Variants in ELL observed in about 807,000 individuals in gnomAD.
ELL encodes elongation factor for RNA polymerase II, also known as RNA polymerase II elongation factor ELL.
ELL carries 18 observed loss-of-function variants against 64.0 expected under a neutral mutation model. That is an observed-to-expected ratio of 0.28 (90% confidence interval 0.19 to 0.42). ELL has a LOEUF of 0.42. Among genes scored for constraint, ELL ranks in the 10% least tolerant of loss-of-function variants. The pLI is 1.00. For missense variants in ELL, 797 were observed against 870.4 expected, an observed-to-expected ratio of 0.92 and a Z score of 1.06; for synonymous variants, 399 against 376.2, an observed-to-expected ratio of 1.06 and a Z score of -0.70.
At chr19:18,446,179 G>A (rs74770468) in intron 10 of ELL, 130 bp downstream of exon 10, 1 of 1,172,356 alleles carries the variant, frequency 8.5e-7, no homozygotes, top group Non-Finnish European at 1.2e-6. Context: ...GAGTGCACCA[G>A]GGGGAGAAGC....
At position 18,444,668 on chromosome 19, in the gene ELL, T is replaced by C; in HGVS notation, c.*84A>G. ...GTGCTGGCTCAGATGAGCATCTTCC[T>C]CGGGTTTATTTTTTTAAATAAATCC... On this transcript the variant is annotated 3_prime_UTR_variant, in exon 12 of 12. Transcript: ENST00000262809. 1 of 1,404,328 alleles carries C rather than the reference T, an allele frequency of 7.1e-7. No homozygotes were observed. The highest frequency in any genetic ancestry group is 9.6e-7 in the Non-Finnish European group (1 of 1,036,806). 87.0% of individuals were successfully genotyped at this position (1,404,328 alleles called of 1,614,324 possible).
intron 1 of ELL, among the ~76,000 whole-genome samples, chr19:18,519,763 C>T (rs1200559207): frequency 3.4e-5 from 5 of 146,396 alleles, no homozygotes; most frequent in Non-Finnish European, 5.9e-5. Flanking sequence ...GCCGGGATCG[C>T]GCCACCTCAA....
rs187946882 is a variant in ELL, at chr19:18,489,087, A to G, written c.136-16205T>C. On this transcript the variant is annotated intron_variant, in intron 1 of 11. Transcript: ENST00000262809. ...CTGAAATCTCAGCTGCTCTTTTTAC[A>G]GAACGTTTTGTCACCTGCCTTCAAA... 2.4e-4 allele frequency among the ~76,000 whole-genome samples: 36 copies of G among 152,310 alleles called. 1 individual carries two copies. The highest frequency in any genetic ancestry group is 6.2e-4 in the South Asian group (3 of 4,828).
chr19:18,501,571 C>T lies in ELL; in HGVS notation c.135+20350G>A, dbSNP rs1296403778. 6.6e-6 allele frequency among the ~76,000 whole-genome samples: 1 copy of T among 152,160 alleles called. No individual in the cohort carries two copies. Among genetic ancestry groups the T allele is most frequent in the African/African-American group, 2.4e-5 (1 of 41,434 alleles). ...ACGGCACAGCCAGCTCAGAGCCAGG[C>T]GGATGAGACGGGGGCCAAGCCAGGG... On this transcript the variant is annotated intron_variant, in intron 1 of 11. Transcript: ENST00000262809. The surrounding 1 kb of genome is among the most constrained non-coding windows in gnomAD (Gnocchi z 4.5).
intron 1 of ELL, among the ~76,000 whole-genome samples, chr19:18,504,547 A>G (rs1410896793): frequency 2.0e-5 from 3 of 152,178 alleles, no homozygotes; most frequent in Non-Finnish European, 4.4e-5. Flanking sequence ...TCATCAGAGC[A>G]GTGATGCTCT....
At chr19:18,472,910 G>C in intron 1 of ELL, 28 bp from the exon 2 acceptor site, 1 of 1,146,924 alleles carries the variant, frequency 8.7e-7, no homozygotes, top group Non-Finnish European at 1.2e-6. Context: ...AAAAAAAAAA[G>C]GTGAGGGGAA....
At chr19:18,468,676 C>A (rs567613089) in intron 2 of ELL, among the ~76,000 whole-genome samples, 2 of 152,240 alleles carry the variant, frequency 1.3e-5, no homozygotes, top group East Asian at 1.9e-4. Context: ...CCCACTGCCC[C>A]CTGTGGTCCT....
At chr19:18,518,937 C>T (rs145278769) in intron 1 of ELL, among the ~76,000 whole-genome samples, 1 of 152,138 alleles carries the variant, frequency 6.6e-6, no homozygotes, top group Non-Finnish European at 1.5e-5. Flanking sequence ...GGAGAGAAAA[C>T]AGGAGGGCTT....
At chr19:18,463,540 G>A (rs994597686) in intron 4 of ELL, among the ~76,000 whole-genome samples, 1 of 151,778 alleles carries the variant, frequency 6.6e-6, no homozygotes, top group Non-Finnish European at 1.5e-5. Context: ...TCACCATATT[G>A]GCCAGGCTGG....
intron 1 of ELL, among the ~76,000 whole-genome samples, chr19:18,511,660 A>G (rs1976026155): frequency 6.6e-6 from 1 of 152,156 alleles, no homozygotes; most frequent in Non-Finnish European, 1.5e-5. Context: ...AGAAGGTGGA[A>G]GTACAGGGGG....
Position 18,449,980 on chromosome 19 carries a change from G to A in ELL, c.1465+497C>T, listed in dbSNP as rs552973109. On this transcript the variant is annotated intron_variant, in intron 8 of 11. Transcript: ENST00000262809. The surrounding 1 kb of genome is among the most constrained non-coding windows in gnomAD (Gnocchi z 4.4). ...ACCTACAGTCCACAACAGTCGCACG[G>A]TGCCTACAGAGGTCCAGGTGCTATC... is the stretch of plus-strand genomic sequence containing the variant. 3.9e-5 allele frequency among the ~76,000 whole-genome samples: 6 copies of A among 152,336 alleles called. No individual in the cohort carries two copies. The East Asian group carries it at 1.2e-3, about 29-fold the overall frequency.
chr19:18,473,513 C>T (rs1048988469), intron 1 of ELL, among the ~76,000 whole-genome samples: 13 of 152,316 alleles, frequency 8.5e-5, no homozygotes, highest in East Asian at 3.9e-4. Context: ...CTCCACCACA[C>T]GGCCTTGGGG....
At chr19:18,508,751 C>G (rs1030305608) in intron 1 of ELL, among the ~76,000 whole-genome samples, 1 of 152,246 alleles carries the variant, frequency 6.6e-6, no homozygotes, top group Non-Finnish European at 1.5e-5. Flanking sequence ...GCTGCCGTCA[C>G]AGGGCAAGAG....
intron 4 of ELL, 68 bp from the exon 5 acceptor site, chr19:18,461,920 C>T (rs946759845): frequency 1.9e-6 from 3 of 1,550,364 alleles, no homozygotes; most frequent in Non-Finnish European, 2.6e-6. Flanking sequence ...GTGCTGCTGA[C>T]CAGGTGCCCA....
intron 4 of ELL, among the ~76,000 whole-genome samples, chr19:18,463,199 T>G (rs1974862663): frequency 6.6e-6 from 1 of 152,246 alleles, no homozygotes; most frequent in South Asian, 2.1e-4. Flanking sequence ...CTCACACCTC[T>G]GGGGTCTGTT....
At chr19:18,494,611 G>A (rs1482067155) in intron 1 of ELL, among the ~76,000 whole-genome samples, 2 of 152,144 alleles carry the variant, frequency 1.3e-5, no homozygotes, top group African/African-American at 2.4e-5. Flanking sequence ...GGCTGGTCTC[G>A]ATAATCTGAC....
intron 1 of ELL, among the ~76,000 whole-genome samples, chr19:18,512,190 T>G (rs543905349): frequency 7.9e-5 from 12 of 151,620 alleles, no homozygotes; most frequent in African/African-American, 2.9e-4. Context: ...TTGAGTGTGA[T>G]AGCATATGCC....
At chr19:18,471,809 GA>G (rs1426227839) in intron 2 of ELL, among the ~76,000 whole-genome samples, 1 of 152,124 alleles carries the variant, frequency 6.6e-6, no homozygotes, top group African/African-American at 2.4e-5. Flanking sequence ...TCATTTAGAA[GA>G]AAACATATTT....
intron 2 of ELL, among the ~76,000 whole-genome samples, chr19:18,467,698 TCCCCACACACAATCC>T (rs1327777007): frequency 1.8e-5 from 1 of 54,454 alleles, no homozygotes; most frequent in East Asian, 5.0e-4. Context: ...ACACACAATC[TCCCCACACACAATCC>T]CCCACAACCA....
Sources: allele counts gnomAD v4.1 joint callset (sites outside exome capture counted in the v4.1 genomes callset), GRCh38; gene constraint gnomAD v4.1.1; non-coding constraint Gnocchi (gnomAD v3.1); transcripts MANE v1.5; gene names NCBI Gene and HGNC (gene_info 2026-07-23, HGNC 2026-07-21).